RBFOX1: variants seen among roughly 807,000 people sequenced by gnomAD.
RBFOX1 encodes the protein RNA binding protein fox-1 homolog 1.
A neutral mutation model predicts 57.7 loss-of-function variants in RBFOX1; 8 were observed. The ratio of observed to expected loss-of-function variants is 0.14; its 90% CI spans 0.08 to 0.25. The LOEUF (loss-of-function observed/expected upper bound fraction) is 0.25, where lower values mean the gene tolerates loss of function less well. RBFOX1 is among the 10% of genes least tolerant of loss of function. The probability of loss-of-function intolerance (pLI) is 1.00; values close to 1 mark genes in which losing one functional copy is unlikely to be tolerated. For missense variants in RBFOX1, 611 were observed against 548.5 expected, an observed-to-expected ratio of 1.11 and a Z score of -1.14; for synonymous variants, 326 against 222.4, an observed-to-expected ratio of 1.47 and a Z score of -4.15.
intron 4 of RBFOX1, among the ~76,000 whole-genome samples, chr16:7,375,066 G>C (rs146384760): frequency 6.6e-6 from 1 of 152,224 alleles, no homozygotes; most frequent in Non-Finnish European, 1.5e-5. Context: ...GTTTCAGGAG[G>C]AGAAAGAACA....
chr16:7,167,898 G>A (rs1368411092), intron 4 of RBFOX1, among the ~76,000 whole-genome samples: 2 of 152,138 alleles, frequency 1.3e-5, no homozygotes, highest in African/African-American at 2.4e-5. Context: ...CTTCTAGGGA[G>A]GTGTTTAATT....
chr16:7,310,752 G>A (rs1568148641), intron 4 of RBFOX1, among the ~76,000 whole-genome samples: 1 of 152,150 alleles, frequency 6.6e-6, no homozygotes, highest in Non-Finnish European at 1.5e-5. Context: ...CCCAGCATAC[G>A]TGGAACTAAA....
intron 3 of RBFOX1, among the ~76,000 whole-genome samples, chr16:6,664,863 C>T (rs567889253): frequency 6.6e-6 from 1 of 152,270 alleles, no homozygotes; most frequent in East Asian, 1.9e-4. Flanking sequence ...CGGTTCTGCC[C>T]CTTCACCAGC....
chr16:6,848,459 C>T lies in RBFOX1; in HGVS notation c.-16+193809C>T, dbSNP rs150250501. Among the ~76,000 whole-genome samples, 1,226 of 152,212 alleles carry T rather than the reference C, an allele frequency of 8.1e-3. 25 individuals are homozygous for T. Among genetic ancestry groups the T allele is most frequent in the African/African-American group, 0.028 (1,159 of 41,532 alleles). ...TGACCACACATGGCCAGCAGGCACC[C>T]GATTGCCAGCCCACCTTAGACTGAA... is the stretch of plus-strand genomic sequence containing the variant. On this transcript the variant is annotated intron_variant, in intron 3 of 15. Transcript: ENST00000550418.
chr16:7,225,771 G>A (rs2093059536), intron 4 of RBFOX1, among the ~76,000 whole-genome samples: 1 of 96,578 alleles, frequency 1.0e-5, no homozygotes, highest in Non-Finnish European at 1.9e-5. Context: ...GGGGGAGGGG[G>A]GAGGGATAGC....
At chr16:6,178,384 C>A (rs543650752) in intron 1 of RBFOX1, among the ~76,000 whole-genome samples, 3 of 151,954 alleles carry the variant, frequency 2.0e-5, no homozygotes, top group African/African-American at 7.2e-5. Context: ...GGGGTTTTGC[C>A]ATGTTGACCA....
intron 4 of RBFOX1, among the ~76,000 whole-genome samples, chr16:7,168,722 A>G (rs930408732): frequency 1.3e-5 from 2 of 152,178 alleles, no homozygotes; most frequent in Non-Finnish European, 2.9e-5. Context: ...TTTACTCTTC[A>G]GTCCCTAAAA....
chr16:6,067,145 C>T (rs1250209589), intron 1 of RBFOX1, among the ~76,000 whole-genome samples: 1 of 152,138 alleles, frequency 6.6e-6, no homozygotes, highest in Non-Finnish European at 1.5e-5. Flanking sequence ...TTGTGCATTG[C>T]TAAGTTCATG....
intron 2 of RBFOX1, among the ~76,000 whole-genome samples, chr16:5,579,506 C>A (rs2046588529): frequency 6.6e-6 from 1 of 152,120 alleles, no homozygotes; most frequent in Non-Finnish European, 1.5e-5. Flanking sequence ...TTGCTTCAAC[C>A]CTCCTGCTGC....
At chr16:7,289,116 G>C (rs980319072) in intron 4 of RBFOX1, among the ~76,000 whole-genome samples, 7 of 152,186 alleles carry the variant, frequency 4.6e-5, no homozygotes, top group Admixed American at 1.3e-4. Context: ...TGCTGTATCA[G>C]AGAGCCTCCT....
intron 4 of RBFOX1, among the ~76,000 whole-genome samples, chr16:7,327,605 A>G (rs905018770): frequency 6.6e-6 from 1 of 152,202 alleles, no homozygotes; most frequent in Non-Finnish European, 1.5e-5. Flanking sequence ...ATGGCAACTG[A>G]CAGCTTCTTT....
intron 3 of RBFOX1, among the ~76,000 whole-genome samples, chr16:6,887,255 G>C (rs2097717850): frequency 6.6e-6 from 1 of 152,164 alleles, no homozygotes; most frequent in Admixed American, 6.5e-5. Flanking sequence ...CCTGTATTTT[G>C]AGAACTGTGT....
intron 3 of RBFOX1, among the ~76,000 whole-genome samples, chr16:5,774,066 C>T (rs903415430): frequency 2.0e-5 from 3 of 152,176 alleles, no homozygotes; most frequent in Non-Finnish European, 4.4e-5. Flanking sequence ...TTCCCACCAA[C>T]AATGTGATGT....
intron 4 of RBFOX1, among the ~76,000 whole-genome samples, chr16:5,984,375 A>G (rs2060240145): frequency 6.6e-6 from 1 of 151,554 alleles, no homozygotes; most frequent in African/African-American, 2.4e-5. Flanking sequence ...AAAGCAATGA[A>G]CTACTTGAAT....
At chr16:7,155,744 CACA>C in intron 4 of RBFOX1, among the ~76,000 whole-genome samples, 1 of 131,350 alleles carries the variant, frequency 7.6e-6, no homozygotes, top group Non-Finnish European at 1.6e-5. Context: ...TATATACACA[CACA>C]CACACACACA....
intron 2 of RBFOX1, among the ~76,000 whole-genome samples, chr16:6,620,253 C>A (rs112703101): frequency 6.6e-6 from 1 of 152,176 alleles, no homozygotes; most frequent in African/African-American, 2.4e-5. Flanking sequence ...ACTTCTGGGT[C>A]AATAATGAAA....
intron 4 of RBFOX1, among the ~76,000 whole-genome samples, chr16:7,502,896 G>A (rs1354872446): frequency 1.3e-5 from 2 of 152,062 alleles, no homozygotes; most frequent in African/African-American, 4.8e-5. Flanking sequence ...GGTGGCAGGT[G>A]CCTGTAATCC....
chr16:7,698,991 C>T (rs571127900), intron 14 of RBFOX1, among the ~76,000 whole-genome samples: 2 of 152,276 alleles, frequency 1.3e-5, no homozygotes, highest in East Asian at 3.9e-4. Flanking sequence ...TGGTGGTTAT[C>T]AAATTCTAGA....
chr16:6,337,802 C>G (rs912561962), intron 2 of RBFOX1, among the ~76,000 whole-genome samples: 1 of 152,170 alleles, frequency 6.6e-6, no homozygotes, highest in Non-Finnish European at 1.5e-5. Context: ...CACGTTGAGA[C>G]GAATCCTCCT....
Sources: gnomAD v4.1 joint callset for allele counts (sites outside exome capture counted in the v4.1 genomes callset) on GRCh38, gnomAD v4.1.1 for gene constraint, MANE v1.5 for transcripts, NCBI Gene and HGNC (gene_info 2026-07-23, HGNC 2026-07-21) for gene names.